Variants in UCK2 observed in about 807,000 individuals in gnomAD.
UCK2 encodes uridine-cytidine kinase 2.
UCK2 carries 6 observed loss-of-function variants against 30.8 expected under a neutral mutation model. That is an observed-to-expected ratio of 0.19 (90% CI 0.11 to 0.38). The LOEUF is 0.38. Ranked by LOEUF, UCK2 falls within the 10% of genes least tolerant of loss-of-function variation. The pLI is 1.00. For synonymous variants in UCK2, 125 were observed against 133.6 expected (o/e 0.94, Z 0.45); for missense variants, 210 against 339.8 (o/e 0.62, Z 3.00).
At position 165,910,565 on chromosome 1, in the gene UCK2, A is replaced by G. The variant is rs1436139146; in HGVS notation, c.*2742A>G. The G allele has an allele frequency of 6.6e-6, 1 of 152,328 alleles. No homozygotes were observed. Among genetic ancestry groups the G allele is most frequent in the Admixed American group, 6.5e-5 (1 of 15,280 alleles). The allele number at this position is 152,328 out of a possible 1,614,324, so 9.4% of individuals were successfully genotyped here. The stretch of plus-strand genomic sequence containing the variant: ...CCTGGCCTCTCACTCCTTCACACTA[A>G]TGAGCCTTCTACTGACCCAAGTTTC... On this transcript the variant is annotated 3_prime_UTR_variant, in exon 7 of 7. Coordinates refer to ENST00000367879, the MANE Select transcript of UCK2 (RefSeq NM_012474.5).
rs923088396 is a variant in UCK2 at position 165,851,896 on chromosome 1, C to T, written c.99+23964C>T. Among the ~76,000 whole-genome samples the T allele has an allele frequency of 3.3e-5, 5 of 152,282 alleles. No homozygotes were observed. The East Asian group carries it at 7.7e-4, about 24-fold the overall frequency. ...CTGAGGATGATGGCTTCCAGCTTCA[C>T]CCATGTCCCTGCAAAGGACATGATC... On this transcript the variant is annotated intron_variant, in intron 1 of 6. Coordinates refer to ENST00000367879, the MANE Select transcript of UCK2 (RefSeq NM_012474.5).
intron 5 of UCK2, chr1:165,904,289 C>A (rs1325401238): frequency 6.6e-6 from 1 of 152,164 alleles, no homozygotes; most frequent in African/African-American, 2.4e-5. Flanking sequence ...TTACAGCAAC[C>A]CATACTTGAC....
intron 1 of UCK2, among the ~76,000 whole-genome samples, chr1:165,833,137 C>T (rs1163321313): frequency 1.3e-5 from 2 of 152,132 alleles, no homozygotes; most frequent in South Asian, 2.1e-4. Flanking sequence ...GAACCTTGGT[C>T]GCCATCCCCA....
intron 1 of UCK2, among the ~76,000 whole-genome samples, chr1:165,836,690 C>CT (rs1654202394): frequency 6.6e-6 from 1 of 152,074 alleles, no homozygotes. Flanking sequence ...GGTGATGGGC[C>CT]TTTATTTTGT....
intron 1 of UCK2, among the ~76,000 whole-genome samples, chr1:165,836,626 C>T (rs1052304036): frequency 6.6e-5 from 10 of 152,148 alleles, no homozygotes; most frequent in African/African-American, 2.4e-4. Context: ...ATTCATCTTC[C>T]AGTATCAGCT....
chr1:165,873,518 A>G (rs1356388412), intron 1 of UCK2, among the ~76,000 whole-genome samples: 1 of 152,198 alleles, frequency 6.6e-6, no homozygotes, highest in Non-Finnish European at 1.5e-5. Flanking sequence ...GAAAAAGTGA[A>G]GCTTCCCATT....
intron 1 of UCK2, among the ~76,000 whole-genome samples, chr1:165,864,343 C>T (rs1417964103): frequency 6.6e-6 from 1 of 152,190 alleles, no homozygotes; most frequent in Non-Finnish European, 1.5e-5. Flanking sequence ...GTGATGGTCA[C>T]ACCCAGGGTG....
chr1:165,858,397 G>A (rs1230527728), intron 1 of UCK2, among the ~76,000 whole-genome samples: 2 of 152,174 alleles, frequency 1.3e-5, no homozygotes, highest in African/African-American at 2.4e-5. Context: ...TGGGTGTCCT[G>A]CAGAATGGCT....
chr1:165,878,684 TC>T (rs1395625532), intron 1 of UCK2, among the ~76,000 whole-genome samples: 1 of 152,262 alleles, frequency 6.6e-6, no homozygotes, highest in African/African-American at 2.4e-5. Context: ...CATTCCATTG[TC>T]TAGCTGTACC....
At chr1:165,858,937 A>G (rs890229767) in intron 1 of UCK2, among the ~76,000 whole-genome samples, 31 of 152,234 alleles carry the variant, frequency 2.0e-4, no homozygotes, top group Non-Finnish European at 1.2e-4. Context: ...TGTTAGCTAC[A>G]TAAGTGTTGA....
intron 3 of UCK2, 87 bp downstream of exon 3, chr1:165,891,409 C>T (rs1443343075): frequency 5.6e-6 from 7 of 1,241,844 alleles, no homozygotes; most frequent in Middle Eastern, 1.9e-4. Context: ...CCTTACCTCT[C>T]GCACTTCAGA....
chr1:165,870,201 ATTT>A (rs11336105), intron 1 of UCK2, among the ~76,000 whole-genome samples: 25 of 94,674 alleles, frequency 2.6e-4, no homozygotes, highest in African/African-American at 4.3e-4. Context: ...GTCTAACTTC[ATTT>A]TTTTTTTTTT....
intron 1 of UCK2, among the ~76,000 whole-genome samples, chr1:165,841,892 C>T (rs188977904): frequency 1.1e-4 from 16 of 152,292 alleles, no homozygotes; most frequent in Admixed American, 6.5e-4. Flanking sequence ...TCCCCAGTCT[C>T]GTGCACAGGG....
At chr1:165,850,136 A>G (rs765064465) in intron 1 of UCK2, among the ~76,000 whole-genome samples, 10 of 152,038 alleles carry the variant, frequency 6.6e-5, no homozygotes, top group Non-Finnish European at 1.2e-4. Context: ...TTTTATTTTT[A>G]TTTATTTATT....
intron 1 of UCK2, among the ~76,000 whole-genome samples, chr1:165,856,159 A>G (rs529562230): frequency 6.6e-6 from 1 of 152,300 alleles, no homozygotes; most frequent in African/African-American, 2.4e-5. Context: ...TAAGATACAT[A>G]TGTCTGCATT....
At chr1:165,870,286 T>C (rs1655164672) in intron 1 of UCK2, among the ~76,000 whole-genome samples, 1 of 151,254 alleles carries the variant, frequency 6.6e-6, no homozygotes, top group South Asian at 2.1e-4. Flanking sequence ...TGAATGAAGA[T>C]ACTTTTGCTC....
chr1:165,879,571 T>TATTATTATTATTATTATTATTA (rs1553199402), intron 1 of UCK2, among the ~76,000 whole-genome samples: 1 of 150,870 alleles, frequency 6.6e-6, no homozygotes, highest in South Asian at 2.1e-4. Flanking sequence ...TTATTATTAT[T>TATTATTATTATTATTATTATTA]TTGTCAGTAG....
At chr1:165,830,454 A>T (rs1030491448) in intron 1 of UCK2, among the ~76,000 whole-genome samples, 1 of 151,530 alleles carries the variant, frequency 6.6e-6, no homozygotes, top group Non-Finnish European at 1.5e-5. Flanking sequence ...CCTCCCAAGT[A>T]GCTGGGACTA....
intron 1 of UCK2, among the ~76,000 whole-genome samples, chr1:165,850,902 G>A (rs1489441976): frequency 3.3e-5 from 5 of 149,934 alleles, no homozygotes; most frequent in East Asian, 2.0e-4. Flanking sequence ...GATTACAGGC[G>A]TGAGCCACCA....
Sources: gnomAD v4.1 joint callset for allele counts (sites outside exome capture counted in the v4.1 genomes callset) on GRCh38, gnomAD v4.1.1 for gene constraint, MANE v1.5 for transcripts, NCBI Gene and HGNC (gene_info 2026-07-23, HGNC 2026-07-21) for gene names.